DCAKD: variants seen among roughly 807,000 people sequenced by gnomAD.
DCAKD encodes dephospho-CoA kinase domain-containing protein.
A neutral mutation model predicts 18.7 loss-of-function variants in DCAKD; 15 were observed. That is an observed-to-expected ratio of 0.80 (90% CI 0.54 to 1.24). The LOEUF (loss-of-function observed/expected upper bound fraction) is 1.24, where lower values mean the gene tolerates loss of function less well. DCAKD is among the 50% of genes most tolerant of loss of function. The pLI is 0.00. For missense variants in DCAKD, 301 were observed against 322.0 expected (o/e 0.93, Z 0.50); for synonymous variants, 130 against 133.0 (o/e 0.98, Z 0.16).
At chr17:45,038,563 T>C (rs2053356837) in intron 1 of DCAKD, among the ~76,000 whole-genome samples, 1 of 152,216 alleles carries the variant, frequency 6.6e-6, no homozygotes, top group Non-Finnish European at 1.5e-5. Context: ...TGAATCTGTT[T>C]GTAGGCAAAT....
chr17:45,047,172 C>A, intron 1 of DCAKD, among the ~76,000 whole-genome samples: 2 of 148,486 alleles, frequency 1.3e-5, no homozygotes, highest in African/African-American at 2.5e-5. Flanking sequence ...ATTTAATTTA[C>A]ATGAAGAAAC....
upstream of DCAKD, among the ~76,000 whole-genome samples, chr17:45,052,402 C>G (rs1046241721): frequency 6.6e-6 from 1 of 151,358 alleles, no homozygotes; most frequent in Non-Finnish European, 1.5e-5. Context: ...ATCATCATCC[C>G]CATTTTACAC....
chr17:45,033,816 GA>G (rs2053225401), intron 3 of DCAKD: 11 of 1,143,748 alleles, frequency 9.6e-6, no homozygotes, highest in Middle Eastern at 4.8e-4. Flanking sequence ...AGCTGAGGGC[GA>G]GATCACTCAA....
In DCAKD at chr17:45,024,517, CG is replaced by C. The variant is rs1567826268; in HGVS notation, c.611del (p.Pro204ArgfsTer2). 1 of 1,614,124 alleles carries C rather than the reference CG, an allele frequency of 6.2e-7. No individual in the cohort carries two copies. The highest frequency in any genetic ancestry group is 1.1e-5 in the South Asian group (1 of 91,076). ...GCCCTGTGAGGACCCCAAACCTCAG[CG>C]GCAGGTACTCCAGGGAGCGCTCCAG... Reference protein sequence around the residue: ...TELERSLEYLPLRFGVLTGLA... With the variant: ...TELERSLEYLXLRFGVLTGLA... On this transcript the variant is annotated frameshift_variant, in exon 5 of 5. Transcript: ENST00000651974. LOFTEE classifies it high-confidence loss of function.
Position 45,034,808 on chromosome 17 carries a change from A to G in DCAKD, c.78T>C (p.Cys26=). The G allele has an allele frequency of 3.7e-6, 6 of 1,614,144 alleles. No individual in the cohort carries two copies. The highest frequency in any genetic ancestry group is 5.1e-6 in the Non-Finnish European group (6 of 1,180,022). ...CCATCACGTCCACGTCAATCACCGC[A>G]CAGCCCAGCTGCTGGAACACCTGGA... The part of the protein sequence containing the change: ...SVIQVFQQLG[C]AVIDVDVMAR... The change falls in exon 2 of 5, where the codon TGT becomes TGC. Residue 26 remains cysteine, a synonymous_variant. Transcript: ENST00000651974.
intron 3 of DCAKD, among the ~76,000 whole-genome samples, chr17:45,030,546 G>A (rs907904048): frequency 2.0e-5 from 3 of 152,258 alleles, no homozygotes; most frequent in African/African-American, 4.8e-5. Flanking sequence ...GCCTCAGGCC[G>A]TGTGAGGCAA....
chr17:45,028,970 G>C (rs2053116857), intron 4 of DCAKD, among the ~76,000 whole-genome samples: 1 of 152,154 alleles, frequency 6.6e-6, no homozygotes, highest in Admixed American at 6.5e-5. Context: ...CTCCCAAAGT[G>C]CTGGGATTAC....
chr17:45,054,626 C>T (rs377621806), upstream of DCAKD, among the ~76,000 whole-genome samples: 21 of 152,184 alleles, frequency 1.4e-4, no homozygotes, highest in African/African-American at 4.8e-4. Flanking sequence ...AGTTTTAAAC[C>T]GTGGGGCCAT....
chr17:45,060,945 C>G, exon 1 of DCAKD: 3 of 892,944 alleles, frequency 3.4e-6, no homozygotes, highest in Non-Finnish European at 2.7e-6. Context: ...GGCCCAGGCA[C>G]TGGCAAGGGC....
chr17:45,045,571 A>C (rs1034119124), intron 1 of DCAKD, among the ~76,000 whole-genome samples: 3 of 151,982 alleles, frequency 2.0e-5, no homozygotes, highest in Admixed American at 1.3e-4. Context: ...GTCTCTATTA[A>C]AAATACAAAA....
In DCAKD at chr17:45,024,236, C is replaced by G; in HGVS notation, c.*197G>C. The G allele has an allele frequency of 1.5e-6, 1 of 680,578 alleles. No individual in the cohort carries two copies. Among genetic ancestry groups the G allele is most frequent in the Non-Finnish European group, 2.4e-6 (1 of 423,694 alleles). The allele number at this position is 680,578 out of a possible 1,614,324, so 42.2% of individuals were successfully genotyped here. A position where few individuals can be genotyped will look rare whatever the true frequency, so the allele number is the denominator to read the frequency against. Reference sequence around the variant, plus strand: ...TTCTTGATCTCAAATAGGATACACTCCAAAGACGGGATGGCCTGGCACAGA... The same window carrying G: ...TTCTTGATCTCAAATAGGATACACTGCAAAGACGGGATGGCCTGGCACAGA... On this transcript the variant is annotated 3_prime_UTR_variant, in exon 5 of 5. Transcript: ENST00000651974.
intron 1 of DCAKD, among the ~76,000 whole-genome samples, chr17:45,057,046 C>T (rs957248443): frequency 5.3e-5 from 8 of 152,146 alleles, no homozygotes; most frequent in East Asian, 1.9e-4. Flanking sequence ...GGATTACAGG[C>T]GTGAGCCACT....
Position 45,024,278 on chromosome 17 carries a change from G to T in DCAKD, c.*155C>A. The T allele has an allele frequency of 1.0e-6, 1 of 982,640 alleles. No homozygotes were observed. Among genetic ancestry groups the T allele is most frequent in the Non-Finnish European group, 1.4e-6 (1 of 693,994 alleles). 60.9% of individuals were successfully genotyped at this position (982,640 alleles called of 1,614,324 possible). Reference sequence around the variant, plus strand: ...TGGCACAGAGGCCCAGCCCTGATTCGGAGAGTCCGTGTGTGTGTGTGTGTG... The same window carrying T: ...TGGCACAGAGGCCCAGCCCTGATTCTGAGAGTCCGTGTGTGTGTGTGTGTG... On this transcript the variant is annotated 3_prime_UTR_variant, in exon 5 of 5. Coordinates refer to ENST00000651974, the MANE Select transcript of DCAKD (RefSeq NM_001288655.2).
At chr17:45,043,548 T>C (rs948669726) in intron 1 of DCAKD, among the ~76,000 whole-genome samples, 2 of 151,872 alleles carry the variant, frequency 1.3e-5, no homozygotes, top group Non-Finnish European at 2.9e-5. Context: ...CCAAGGAAAA[T>C]AGTCTCATCA....
chr17:45,042,516 G>A (rs368389021), intron 1 of DCAKD, among the ~76,000 whole-genome samples: 2 of 152,322 alleles, frequency 1.3e-5, no homozygotes, highest in East Asian at 1.9e-4. Flanking sequence ...CACTGGGGCC[G>A]CCTGACTAGC....
chr17:45,055,234 C>T (rs2053767981), upstream of DCAKD, among the ~76,000 whole-genome samples: 1 of 152,196 alleles, frequency 6.6e-6, no homozygotes, highest in Non-Finnish European at 1.5e-5. Flanking sequence ...ATCTCAGTCA[C>T]CTCTGTGTCC....
chr17:45,026,363 G>A (rs1165403060), intron 4 of DCAKD, among the ~76,000 whole-genome samples: 1 of 151,710 alleles, frequency 6.6e-6, no homozygotes, highest in Non-Finnish European at 1.5e-5. Flanking sequence ...GAGTAACTGG[G>A]ACTATAGGCG....
upstream of DCAKD, among the ~76,000 whole-genome samples, chr17:45,052,267 T>A (rs958123388): frequency 2.0e-5 from 3 of 152,112 alleles, no homozygotes; most frequent in Non-Finnish European, 4.4e-5. Context: ...ACTTCGGATA[T>A]AAAGCTCGGC....
upstream of DCAKD, among the ~76,000 whole-genome samples, chr17:45,053,163 T>A (rs1379008034): frequency 1.5e-5 from 1 of 68,938 alleles, no homozygotes; most frequent in Non-Finnish European, 2.5e-5. Flanking sequence ...AGACTCTGTC[T>A]CCAGTTAAAA....
Sources: gnomAD v4.1 joint callset for allele counts (sites outside exome capture counted in the v4.1 genomes callset) on GRCh38, gnomAD v4.1.1 for gene constraint, MANE v1.5 for transcripts, NCBI Gene and HGNC (gene_info 2026-07-23, HGNC 2026-07-21) for gene names.